The following F9 variants were observed in gnomAD, a reference collection of about 807,000 sequenced individuals.
The protein encoded by F9 is coagulation factor IX.
In F9, 2 loss-of-function variants were observed where a neutral mutation model predicts 34.1. That is an observed-to-expected ratio of 0.06 (90% CI 0.02 to 0.18). The LOEUF (loss-of-function observed/expected upper bound fraction) is 0.18. Ranked by LOEUF, F9 falls within the 10% of genes least tolerant of loss-of-function variation. The pLI is 1.00. For synonymous variants in F9, 137 were observed against 118.8 expected (o/e 1.15, Z -1.00); for missense variants, 216 against 345.1 (o/e 0.63, Z 2.96).
chrX:139,561,798 C>T lies in F9; in HGVS notation c.1113C>T (p.Tyr371=). ...GGAGATCAGCTTTAGTTCTTCAGTA[C>T]CTTAGAGTTCCACTTGTTGACCGAG... ...HKGRSALVLQ[Y]LRVPLVDRAT... Residue 371 remains tyrosine, a synonymous_variant, in exon 8 of 8, where the codon TAC becomes TAT. Coordinates refer to ENST00000218099, the MANE Select transcript of F9 (RefSeq NM_000133.4). 1 of 1,211,727 alleles carries T rather than the reference C, an allele frequency of 8.3e-7. No homozygotes were observed. The highest frequency in any genetic ancestry group is 1.1e-6 in the Non-Finnish European group (1 of 895,550).
At chrX:139,557,971 C>T (rs1478021603) in intron 6 of F9, among the ~76,000 whole-genome samples, 1 of 112,536 alleles carries the variant, frequency 8.9e-6, no homozygotes, top group Non-Finnish European at 1.9e-5. Context: ...CACTCCCCTA[C>T]CACCTGGTGC....
chrX:139,534,952 A>G (rs1195333411), intron 1 of F9, among the ~76,000 whole-genome samples: 1 of 111,595 alleles, frequency 9.0e-6, no homozygotes, highest in Non-Finnish European at 1.9e-5. Flanking sequence ...CTGTCTGGGA[A>G]GAGAAGGATG....
Position 139,548,498 on chromosome X carries a change from A to G in F9, c.520+7A>G. On this transcript the variant is annotated splice_region_variant and intron_variant, in intron 5 of 7. Coordinates refer to ENST00000218099, the MANE Select transcript of F9 (RefSeq NM_000133.4). Reference sequence around the variant, plus strand: ...AAGTCCTGTGAACCAGCAGGTCATAATCTGAATAAGATTTTTTAAAGAAAA... The same window carrying G: ...AAGTCCTGTGAACCAGCAGGTCATAGTCTGAATAAGATTTTTTAAAGAAAA... The G allele has an allele frequency of 8.3e-7, 1 of 1,206,253 alleles. No individual in the cohort carries two copies.
chrX:139,537,848 C>A (rs983261244), intron 3 of F9, among the ~76,000 whole-genome samples: 1 of 111,307 alleles, frequency 9.0e-6, no homozygotes, highest in African/African-American at 3.3e-5. Flanking sequence ...TGGGCTCCAG[C>A]CACCCTGGCC....
In F9 at chrX:139,562,379, C is replaced by T; in HGVS notation, c.*308C>T. On this transcript the variant is annotated 3_prime_UTR_variant, in exon 8 of 8. Coordinates refer to ENST00000218099, the MANE Select transcript of F9 (RefSeq NM_000133.4). ...TGGTTCTCCACTATGGCAACTAACTCACTCAATTTTCCCTCCTTAGCAGCA... is the reference window on the plus strand; with the variant it reads ...TGGTTCTCCACTATGGCAACTAACTTACTCAATTTTCCCTCCTTAGCAGCA... The T allele has an allele frequency of 3.5e-6, 1 of 286,089 alleles. No individual in the cohort carries two copies. The highest frequency in any genetic ancestry group is 6.2e-6 in the Non-Finnish European group (1 of 160,985). 23.6% of individuals were successfully genotyped at this position (286,089 alleles called of 1,213,427 possible). A position where few individuals can be genotyped will look rare whatever the true frequency, so the allele number is the denominator to read the frequency against.
At chrX:139,541,810 T>G (rs916952947) in intron 4 of F9, among the ~76,000 whole-genome samples, 1 of 112,175 alleles carries the variant, frequency 8.9e-6, no homozygotes, top group African/African-American at 3.2e-5. Flanking sequence ...AAATGTTACA[T>G]AGCAACCTTA....
At chrX:139,538,923 T>C (rs1927544202) in intron 3 of F9, among the ~76,000 whole-genome samples, 1 of 110,372 alleles carries the variant, frequency 9.1e-6, no homozygotes, top group South Asian at 3.8e-4. Context: ...ATGGAGGGTA[T>C]TATTCTGTTA....
At chrX:139,535,694 A>T (rs1362723933) in intron 1 of F9, among the ~76,000 whole-genome samples, 1 of 111,401 alleles carries the variant, frequency 9.0e-6, no homozygotes, top group Non-Finnish European at 1.9e-5. Context: ...CAACTTCTTG[A>T]GTCCCTGTTA....
At chrX:139,536,233 ATATATG>A (rs1190764399) in intron 1 of F9, among the ~76,000 whole-genome samples, 2 of 103,760 alleles carry the variant, frequency 1.9e-5, no homozygotes, top group African/African-American at 7.2e-5. Context: ...ATGTACACAC[ATATATG>A]TATATATATG....
intron 1 of F9, among the ~76,000 whole-genome samples, chrX:139,531,053 G>A (rs1033631329): frequency 9.0e-6 from 1 of 111,591 alleles, no homozygotes; most frequent in Admixed American, 9.5e-5. Flanking sequence ...TAAATAGATC[G>A]ACAATGCTTA....
chrX:139,539,710 C>T (rs1411974433), intron 3 of F9, among the ~76,000 whole-genome samples: 1 of 112,468 alleles, frequency 8.9e-6, no homozygotes, highest in Non-Finnish European at 1.9e-5. Flanking sequence ...CAGTTCTGAA[C>T]ATCAATAGTA....
intron 4 of F9, among the ~76,000 whole-genome samples, chrX:139,545,409 G>C (rs1174089525): frequency 1.8e-5 from 2 of 111,666 alleles, no homozygotes; most frequent in Non-Finnish European, 3.8e-5. Context: ...GAAACAAAGG[G>C]AAAGCACAGT....
intron 4 of F9, among the ~76,000 whole-genome samples, chrX:139,542,948 C>T (rs1045932454): frequency 5.4e-5 from 6 of 111,320 alleles, no homozygotes; most frequent in African/African-American, 2.0e-4. Context: ...AAAATATTTT[C>T]AGCCCAGTTA....
rs1928137024 is a variant in F9 at position 139,562,124 on chromosome X, T to A, written c.*53T>A. ...ATTGGAATTGAAAATTAACAGGGCCTCTCACTAACTAATCACTTTCCCATC... is the reference window on the plus strand; with the variant it reads ...ATTGGAATTGAAAATTAACAGGGCCACTCACTAACTAATCACTTTCCCATC... On this transcript the variant is annotated 3_prime_UTR_variant, in exon 8 of 8. Transcript: ENST00000218099. 2.0e-6 allele frequency: 2 copies of A among 995,755 alleles called. No homozygotes were observed. The highest frequency in any genetic ancestry group is 3.8e-5 in the African/African-American group (2 of 53,080). The allele number at this position is 995,755 out of a possible 1,213,427, so 82.1% of individuals were successfully genotyped here. A position where few individuals can be genotyped will look rare whatever the true frequency, so the allele number is the denominator to read the frequency against.
At chrX:139,535,572 T>A (rs1488964174) in intron 1 of F9, among the ~76,000 whole-genome samples, 2 of 111,124 alleles carry the variant, frequency 1.8e-5, no homozygotes, top group African/African-American at 6.6e-5. Context: ...TTTTTGGAGT[T>A]AATCAGGAAG....
chrX:139,536,225 G>C (rs1239847135), intron 1 of F9, among the ~76,000 whole-genome samples: 3 of 98,700 alleles, frequency 3.0e-5, no homozygotes, highest in African/African-American at 1.2e-4. Flanking sequence ...ACATATATAT[G>C]TACACACATA....
At chrX:139,535,956 G>A (rs1927450091) in intron 1 of F9, among the ~76,000 whole-genome samples, 1 of 110,152 alleles carries the variant, frequency 9.1e-6, no homozygotes, top group Non-Finnish European at 1.9e-5. Context: ...TGTACAGCAT[G>A]TGACTGTACT....
At chrX:139,536,957 T>C in intron 1 of F9, 53 bp from the exon 2 acceptor site, 2 of 1,085,932 alleles carry the variant, frequency 1.8e-6, no homozygotes, top group East Asian at 3.0e-5. Flanking sequence ...TGTAAAATTT[T>C]CATGATGTTT....
At chrX:139,533,807 T>G (rs1393517246) in intron 1 of F9, among the ~76,000 whole-genome samples, 1 of 111,049 alleles carries the variant, frequency 9.0e-6, no homozygotes, top group African/African-American at 3.3e-5. Context: ...CATGCCTTGT[T>G]TGGTTCACTC....
Sources: allele counts gnomAD v4.1 joint callset (sites outside exome capture counted in the v4.1 genomes callset), GRCh38; gene constraint gnomAD v4.1.1; transcripts MANE v1.5; gene names NCBI Gene and HGNC (gene_info 2026-07-23, HGNC 2026-07-21).